The following NBAS variants were observed in gnomAD, a reference collection of about 807,000 sequenced individuals.
The protein encoded by NBAS is NAG/BC035112 fusion.
Under a neutral mutation model 302.5 loss-of-function variants are expected in NBAS, and 219 were observed. The ratio of observed to expected loss-of-function variants is 0.72; its 90% CI spans 0.65 to 0.81. The LOEUF is 0.81. Among genes scored for constraint, NBAS ranks in the 30% least tolerant of loss-of-function variants. The probability of loss-of-function intolerance (pLI) is 0.00; values close to 1 mark genes in which losing one functional copy is unlikely to be tolerated. For missense variants in NBAS, 2,932 were observed against 2,841.6 expected (o/e 1.03, Z -0.72); for synonymous variants, 1,118 against 1,021.6 (o/e 1.09, Z -1.80).
intron 32 of NBAS, among the ~76,000 whole-genome samples, chr2:15,365,971 A>G (rs1674178311): frequency 6.6e-6 from 1 of 152,234 alleles, no homozygotes; most frequent in African/African-American, 2.4e-5. Context: ...TAAAAGCCAA[A>G]GCCTGCTATT....
chr2:15,129,473 T>A, the NBAS span, among the ~76,000 whole-genome samples: 1 of 152,184 alleles, frequency 6.6e-6, no homozygotes, highest in African/African-American at 2.4e-5. Context: ...CCGCCTCCCT[T>A]ATGTGCCAGC....
At chr2:15,401,862 C>T (rs575861551) in intron 26 of NBAS, among the ~76,000 whole-genome samples, 2 of 152,150 alleles carry the variant, frequency 1.3e-5, no homozygotes, top group African/African-American at 2.4e-5. Flanking sequence ...TACCTACTGA[C>T]TTATAAAAAG....
In NBAS at chr2:15,465,414, A is replaced by T. The variant is rs114146233; in HGVS notation, c.2097+1915T>A. On this transcript the variant is annotated intron_variant, in intron 19 of 51. Transcript: ENST00000281513. ...ATCAATTCTCCATACCTTTCTTATC[A>T]GCATTTAATGCCTATACAATGTGAA... Among the ~76,000 whole-genome samples the T allele has an allele frequency of 2.9e-3, 446 of 152,330 alleles. 2 individuals are homozygous for T. Among genetic ancestry groups the T allele is most frequent in the African/African-American group, 0.01 (417 of 41,574 alleles).
intron 2 of NBAS, 71 bp from the exon 3 acceptor site, chr2:15,556,890 A>C: frequency 8.0e-7 from 1 of 1,247,202 alleles, no homozygotes; most frequent in Admixed American, 1.7e-5. Flanking sequence ...TTAGATTTAT[A>C]GATGAGAAAT....
intron 16 of NBAS, among the ~76,000 whole-genome samples, chr2:15,470,447 C>T (rs1299894553): frequency 6.6e-6 from 1 of 152,192 alleles, no homozygotes; most frequent in Admixed American, 6.5e-5. Flanking sequence ...GTACAGAGCT[C>T]ATTTATCCAT....
At chr2:15,407,591 G>A (rs549028576) in intron 25 of NBAS, among the ~76,000 whole-genome samples, 1 of 152,250 alleles carries the variant, frequency 6.6e-6, no homozygotes, top group East Asian at 1.9e-4. Context: ...CCATATCACA[G>A]TACTGCAAAT....
chr2:15,394,433 G>T, intron 27 of NBAS, 84 bp from the exon 28 acceptor site: 1 of 1,453,736 alleles, frequency 6.9e-7, no homozygotes, highest in Non-Finnish European at 9.5e-7. Context: ...TAGCCCTTCA[G>T]TGTTTAGTAT....
chr2:14,914,116 A>G, the NBAS span, among the ~76,000 whole-genome samples: 4 of 152,160 alleles, frequency 2.6e-5, no homozygotes, highest in Non-Finnish European at 5.9e-5. Flanking sequence ...ATCTCATGAG[A>G]CTTATTCACT....
intron 2 of NBAS, among the ~76,000 whole-genome samples, chr2:15,557,421 G>C (rs1160632488): frequency 6.6e-6 from 1 of 152,016 alleles, no homozygotes; most frequent in Non-Finnish European, 1.5e-5. Flanking sequence ...CTAATTTGTA[G>C]TTATCTATAG....
At chr2:14,822,226 T>G in the NBAS span, among the ~76,000 whole-genome samples, 1 of 152,168 alleles carries the variant, frequency 6.6e-6, no homozygotes, top group African/African-American at 2.4e-5. Context: ...CTCCATTTTT[T>G]TCTTGTTTTT....
the NBAS span, among the ~76,000 whole-genome samples, chr2:14,800,067 GT>G: frequency 3.2e-4 from 49 of 152,152 alleles, no homozygotes; most frequent in African/African-American, 1.2e-3. Context: ...TATCACTATG[GT>G]TGAATATAAA....
chr2:14,793,340 A>G, the NBAS span, among the ~76,000 whole-genome samples: 1 of 152,198 alleles, frequency 6.6e-6, no homozygotes, highest in Non-Finnish European at 1.5e-5. Context: ...TTTTTTAACT[A>G]AAGAAAAATA....
chr2:15,137,670 AAG>A, the NBAS span, among the ~76,000 whole-genome samples: 1 of 152,250 alleles, frequency 6.6e-6, no homozygotes, highest in African/African-American at 2.4e-5. Context: ...AGAGCCTCTC[AAG>A]AGAGTTCTCT....
chr2:15,049,090 T>C, the NBAS span, among the ~76,000 whole-genome samples: 4 of 152,036 alleles, frequency 2.6e-5, no homozygotes, highest in South Asian at 4.2e-4. Context: ...ATTTAAGGAA[T>C]TGTGAACTGC....
intron 35 of NBAS, among the ~76,000 whole-genome samples, chr2:15,351,371 A>G (rs1673347029): frequency 6.6e-6 from 1 of 152,076 alleles, no homozygotes; most frequent in Non-Finnish European, 1.5e-5. Context: ...AAAGGGAGAG[A>G]AAAGTTAGGA....
chr2:15,297,478 C>T (rs772153808), intron 40 of NBAS, among the ~76,000 whole-genome samples: 8 of 152,140 alleles, frequency 5.3e-5, no homozygotes, highest in Admixed American at 1.3e-4. Flanking sequence ...TTGCTGTTCT[C>T]GTGATGGAGT....
the NBAS span, among the ~76,000 whole-genome samples, chr2:15,118,553 C>T: frequency 6.6e-6 from 1 of 152,192 alleles, no homozygotes; most frequent in African/African-American, 2.4e-5. Context: ...AGGCCTCAGT[C>T]TCAAGGAGAC....
intron 25 of NBAS, among the ~76,000 whole-genome samples, chr2:15,410,550 C>A (rs929493715): frequency 3.3e-5 from 5 of 151,976 alleles, no homozygotes; most frequent in Non-Finnish European, 5.9e-5. Context: ...AACACTGATA[C>A]ATGTGTATTT....
In NBAS at chr2:15,402,250, C is replaced by G. The variant is rs201150984; in HGVS notation, c.2989G>C (p.Glu997Gln). The G allele has an allele frequency of 3.0e-5, 49 of 1,613,300 alleles. No homozygotes were observed. The highest frequency in any genetic ancestry group is 4.1e-5 in the Non-Finnish European group (48 of 1,179,564). ...DQDQLMAIAL[E>Q]CIYTCERNDQ... Reference sequence around the variant, plus strand: ...TTTCGTTCACAGGTATAGATGCACTCTAGTGCTATTGCCATCAGTTGGTCC... The same window carrying G: ...TTTCGTTCACAGGTATAGATGCACTGTAGTGCTATTGCCATCAGTTGGTCC... Residue 997 changes from glutamate (E) to glutamine (Q), a missense_variant, in exon 26 of 52, where the codon GAG becomes CAG. Coordinates refer to ENST00000281513, the MANE Select transcript of NBAS (RefSeq NM_015909.4).
Sources: allele counts gnomAD v4.1 joint callset (sites outside exome capture counted in the v4.1 genomes callset), GRCh38; gene constraint gnomAD v4.1.1; transcripts MANE v1.5; gene names NCBI Gene and HGNC (gene_info 2026-07-23, HGNC 2026-07-21).